The following CALN1 variants were observed in gnomAD, a reference collection of about 807,000 sequenced individuals.
The protein encoded by CALN1 is calcium-binding protein 8.
Under a neutral mutation model 30.6 loss-of-function variants are expected in CALN1, and 17 were observed. That is an observed-to-expected ratio of 0.56 (90% confidence interval 0.38 to 0.83). The LOEUF (loss-of-function observed/expected upper bound fraction) is 0.83, where lower values mean the gene tolerates loss of function less well. CALN1 is among the 40% of genes least tolerant of loss of function. The probability of loss-of-function intolerance (pLI) is 0.00; values close to 1 mark genes in which losing one functional copy is unlikely to be tolerated. For synonymous variants in CALN1, 156 were observed against 131.4 expected (o/e 1.19, Z -1.28); for missense variants, 291 against 354.9 (o/e 0.82, Z 1.45).
chr7:72,086,194 C>T lies in CALN1; in HGVS notation c.388+19957G>A, dbSNP rs970203693. Reference sequence around the variant, plus strand: ...ACTAAAGAAAATGATCACTTGTGTACATTAATGAACGTGACATAAACTAAA... The same window carrying T: ...ACTAAAGAAAATGATCACTTGTGTATATTAATGAACGTGACATAAACTAAA... On this transcript the variant is annotated intron_variant, in intron 4 of 6. Transcript: ENST00000395275. Among the ~76,000 whole-genome samples the T allele has an allele frequency of 2.0e-5, 3 of 152,032 alleles. No individual in the cohort carries two copies. The South Asian group carries it at 6.2e-4, about 32-fold the overall frequency.
intron 5 of CALN1, among the ~76,000 whole-genome samples, chr7:71,977,342 G>A (rs1277238348): frequency 6.6e-6 from 1 of 152,126 alleles, no homozygotes; most frequent in African/African-American, 2.4e-5. Flanking sequence ...GGCTGAGGTG[G>A]GAGGATCACT....
chr7:72,221,726 C>A (rs890795726), intron 3 of CALN1, among the ~76,000 whole-genome samples: 3 of 151,740 alleles, frequency 2.0e-5, no homozygotes, highest in African/African-American at 4.8e-5. Flanking sequence ...CCAGTCTCTA[C>A]TAAAACTACA....
intron 1 of CALN1, among the ~76,000 whole-genome samples, chr7:72,442,627 A>G (rs1284861494): frequency 1.5e-5 from 2 of 137,726 alleles, no homozygotes; most frequent in East Asian, 2.2e-4. Flanking sequence ...ACTTTATTCA[A>G]GGTTGCAATT....
At chr7:72,068,524 G>A (rs1804178759) in intron 4 of CALN1, among the ~76,000 whole-genome samples, 1 of 152,160 alleles carries the variant, frequency 6.6e-6, no homozygotes, top group Non-Finnish European at 1.5e-5. Context: ...GTCTTACTCT[G>A]TTACCCAAGC....
the CALN1 span, among the ~76,000 whole-genome samples, chr7:72,457,542 C>A: frequency 1.3e-5 from 2 of 152,122 alleles, no homozygotes; most frequent in Non-Finnish European, 2.9e-5. Context: ...CCTACATATC[C>A]ATCAAGGCCC....
chr7:72,307,297 A>G (rs1183758300), intron 2 of CALN1, among the ~76,000 whole-genome samples: 1 of 152,206 alleles, frequency 6.6e-6, no homozygotes, highest in Non-Finnish European at 1.5e-5. Context: ...CTTACATGTT[A>G]TTTTTGAGTT....
At chr7:71,845,169 C>T (rs1385684925) in intron 5 of CALN1, among the ~76,000 whole-genome samples, 1 of 152,178 alleles carries the variant, frequency 6.6e-6, no homozygotes, top group Non-Finnish European at 1.5e-5. Context: ...CAGGTGTGAG[C>T]CACTGCACCT....
At chr7:72,495,553 T>C in the CALN1 span, among the ~76,000 whole-genome samples, 1 of 152,168 alleles carries the variant, frequency 6.6e-6, no homozygotes, top group Non-Finnish European at 1.5e-5. Flanking sequence ...AGCAGGTCCA[T>C]GCCACACCCC....
At chr7:72,221,820 C>T (rs1274932390) in intron 3 of CALN1, among the ~76,000 whole-genome samples, 2 of 151,542 alleles carry the variant, frequency 1.3e-5, no homozygotes, top group African/African-American at 4.8e-5. Context: ...ACCCGGGAGG[C>T]GGAGGTTGCA....
intron 4 of CALN1, among the ~76,000 whole-genome samples, chr7:72,053,877 G>A (rs1287480194): frequency 6.6e-6 from 1 of 151,062 alleles, no homozygotes; most frequent in East Asian, 2.0e-4. Flanking sequence ...GTATCGGTGA[G>A]AACATACGAT....
intron 5 of CALN1, among the ~76,000 whole-genome samples, chr7:71,941,448 T>C (rs769638047): frequency 7.2e-5 from 11 of 151,746 alleles, no homozygotes; most frequent in Non-Finnish European, 1.6e-4. Context: ...GCCTCTAAAA[T>C]TGATGGTACC....
intron 5 of CALN1, among the ~76,000 whole-genome samples, chr7:72,022,920 TA>T (rs3065006): frequency 0.26 from 32,944 of 125,668 alleles, 3,561 homozygotes; most frequent in Middle Eastern, 0.3. Flanking sequence ...TAAATAAAAT[TA>T]AAAAAAAAAA....
At chr7:72,038,740 G>A (rs1314083159) in intron 4 of CALN1, among the ~76,000 whole-genome samples, 2 of 152,074 alleles carry the variant, frequency 1.3e-5, no homozygotes, top group Non-Finnish European at 2.9e-5. Flanking sequence ...GTGACCTCTG[G>A]TCCTCCTCAC....
At chr7:72,023,815 G>T in intron 4 of CALN1, 46 bp from the exon 5 acceptor site, 1 of 1,419,652 alleles carries the variant, frequency 7.0e-7, no homozygotes, top group South Asian at 1.2e-5. Context: ...AGCTGAACTT[G>T]ACCTACCGTA....
At chr7:72,332,008 T>C (rs975563658) in intron 2 of CALN1, among the ~76,000 whole-genome samples, 2 of 152,240 alleles carry the variant, frequency 1.3e-5, no homozygotes, top group Non-Finnish European at 2.9e-5. Flanking sequence ...GCTCCATCCA[T>C]GTCCCTGCAA....
At chr7:71,935,889 G>A (rs1020513314) in intron 5 of CALN1, among the ~76,000 whole-genome samples, 1 of 152,186 alleles carries the variant, frequency 6.6e-6, no homozygotes, top group African/African-American at 2.4e-5. Context: ...CAGGTTACAT[G>A]TACCTTCTGC....
chr7:72,397,414 A>G (rs1001241225), intron 2 of CALN1, among the ~76,000 whole-genome samples: 1 of 152,140 alleles, frequency 6.6e-6, no homozygotes, highest in Non-Finnish European at 1.5e-5. Flanking sequence ...AAGTTGAGGC[A>G]ACAAGAGGTG....
At chr7:71,953,332 T>C (rs1204276479) in intron 5 of CALN1, among the ~76,000 whole-genome samples, 1 of 152,120 alleles carries the variant, frequency 6.6e-6, no homozygotes, top group African/African-American at 2.4e-5. Context: ...ATCTTAATAT[T>C]TTCCATATGG....
At chr7:71,794,790 TTCA>T (rs1786790898) in intron 6 of CALN1, among the ~76,000 whole-genome samples, 1 of 152,098 alleles carries the variant, frequency 6.6e-6, no homozygotes, top group Non-Finnish European at 1.5e-5. Flanking sequence ...CATCTCTTCC[TTCA>T]TCAAGTCATT....
Sources: gnomAD v4.1 joint callset for allele counts (sites outside exome capture counted in the v4.1 genomes callset) on GRCh38, gnomAD v4.1.1 for gene constraint, MANE v1.5 for transcripts, NCBI Gene and HGNC (gene_info 2026-07-23, HGNC 2026-07-21) for gene names.